Variants in LINGO2 observed in about 807,000 individuals in gnomAD.
LINGO2 encodes the protein leucine rich repeat and Ig domain containing 2.
LINGO2 carries 14 observed loss-of-function variants against 30.6 expected under a neutral mutation model. That is an observed-to-expected ratio of 0.46 (90% CI 0.30 to 0.72). The LOEUF is 0.72. Among genes scored for constraint, LINGO2 ranks in the 30% least tolerant of loss-of-function variants. LINGO2 has a pLI of 0.07. For missense variants in LINGO2, 729 were observed against 751.7 expected (o/e 0.97, Z 0.35); for synonymous variants, 317 against 288.5 (o/e 1.10, Z -1.00).
At chr9:28,273,025 AT>A (rs1475879869) in intron 4 of LINGO2, among the ~76,000 whole-genome samples, 1 of 152,134 alleles carries the variant, frequency 6.6e-6, no homozygotes, top group East Asian at 1.9e-4. Flanking sequence ...GACCTTATGT[AT>A]TTTTTAGTTC....
chr9:28,702,810 T>C, the LINGO2 span, among the ~76,000 whole-genome samples: 2 of 151,928 alleles, frequency 1.3e-5, no homozygotes, highest in Non-Finnish European at 2.9e-5. Context: ...TGCAATTTCA[T>C]ATATATAGGC....
chr9:28,813,712 A>C, the LINGO2 span, among the ~76,000 whole-genome samples: 1 of 152,216 alleles, frequency 6.6e-6, no homozygotes, highest in Non-Finnish European at 1.5e-5. Context: ...GCTATAAATA[A>C]ACAAATCAGA....
the LINGO2 span, among the ~76,000 whole-genome samples, chr9:28,753,070 G>T: frequency 6.6e-6 from 1 of 151,956 alleles, no homozygotes; most frequent in South Asian, 2.1e-4. Context: ...GGTATTATCA[G>T]CCAGAAAGCT....
chr9:28,426,180 C>T (rs1248944090), intron 2 of LINGO2, among the ~76,000 whole-genome samples: 1 of 151,874 alleles, frequency 6.6e-6, no homozygotes, highest in African/African-American at 2.4e-5. Context: ...AATACAACGA[C>T]AATAATTTAT....
intron 5 of LINGO2, among the ~76,000 whole-genome samples, chr9:27,968,138 G>A (rs1169967616): frequency 6.6e-6 from 1 of 152,074 alleles, no homozygotes; most frequent in Non-Finnish European, 1.5e-5. Flanking sequence ...GCTGGGGACA[G>A]AGATGAGCAA....
chr9:28,070,481 C>A (rs1825441670), intron 4 of LINGO2, among the ~76,000 whole-genome samples: 1 of 152,172 alleles, frequency 6.6e-6, no homozygotes. Flanking sequence ...GTCCTACAGT[C>A]CTGCCTTAAA....
At chr9:28,067,503 T>A (rs1825349289) in intron 4 of LINGO2, among the ~76,000 whole-genome samples, 2 of 152,170 alleles carry the variant, frequency 1.3e-5, no homozygotes, top group African/African-American at 4.8e-5. Flanking sequence ...GTTGAACATG[T>A]GTTGAGAACC....
At chr9:28,253,602 A>C (rs949124921) in intron 4 of LINGO2, among the ~76,000 whole-genome samples, 4 of 152,158 alleles carry the variant, frequency 2.6e-5, no homozygotes, top group East Asian at 1.9e-4. Context: ...GTTAAATGAA[A>C]AAAAGTCTTT....
chr9:28,069,890 A>T (rs1563957017), intron 4 of LINGO2, among the ~76,000 whole-genome samples: 1 of 152,182 alleles, frequency 6.6e-6, no homozygotes, highest in Non-Finnish European at 1.5e-5. Context: ...GCCATGTGGA[A>T]AGTGAAAGCT....
the LINGO2 span, among the ~76,000 whole-genome samples, chr9:28,916,995 C>T: frequency 1.6e-3 from 242 of 152,262 alleles, no homozygotes; most frequent in African/African-American, 5.5e-3. Context: ...TGGGAGTAAA[C>T]ACTAATGTTC....
At chr9:28,795,197 G>A in the LINGO2 span, among the ~76,000 whole-genome samples, 111 of 152,284 alleles carry the variant, frequency 7.3e-4, no homozygotes, top group Non-Finnish European at 1.4e-3. Context: ...AGTTCATAAA[G>A]CAAGGACTTT....
the LINGO2 span, among the ~76,000 whole-genome samples, chr9:29,197,516 A>G: frequency 6.6e-6 from 1 of 152,082 alleles, no homozygotes; most frequent in Non-Finnish European, 1.5e-5. Flanking sequence ...TTTCAAAGTT[A>G]TAATGGCATT....
At position 28,139,601 on chromosome 9, in the gene LINGO2, CT is replaced by C. The variant is rs1827617761; in HGVS notation, c.-86-127197del. 2.0e-5 allele frequency among the ~76,000 whole-genome samples: 3 copies of C among 151,968 alleles called. No individual in the cohort carries two copies. The Admixed American group carries it at 2.0e-4, about 10-fold the overall frequency. ...AAATGCTTAGATTCTTCAGTTGGTC[CT>C]TTTCATTGAATTTATTTCTTCCTAC... On this transcript the variant is annotated intron_variant, in intron 4 of 5. Transcript: ENST00000379992.
chr9:27,988,234 C>T (rs1287829593), intron 5 of LINGO2, among the ~76,000 whole-genome samples: 3 of 152,022 alleles, frequency 2.0e-5, no homozygotes, highest in South Asian at 2.1e-4. Flanking sequence ...CACATTTTCT[C>T]AATCCAGTCT....
At chr9:29,101,421 A>G in the LINGO2 span, among the ~76,000 whole-genome samples, 24 of 152,340 alleles carry the variant, frequency 1.6e-4, no homozygotes, top group South Asian at 4.1e-4. Flanking sequence ...AGAATTATTC[A>G]ACAAAATTGT....
intron 4 of LINGO2, among the ~76,000 whole-genome samples, chr9:28,122,096 T>G (rs576127486): frequency 5.3e-5 from 8 of 152,296 alleles, no homozygotes; most frequent in Non-Finnish European, 2.9e-5. Flanking sequence ...ATGATACTAC[T>G]TTTTACTTAA....
intron 4 of LINGO2, among the ~76,000 whole-genome samples, chr9:28,241,895 G>T (rs1045703990): frequency 6.6e-6 from 1 of 151,866 alleles, no homozygotes; most frequent in African/African-American, 2.4e-5. Context: ...CCTGACTACT[G>T]AAAGAAAAAC....
chr9:28,809,832 C>T, the LINGO2 span, among the ~76,000 whole-genome samples: 1 of 151,990 alleles, frequency 6.6e-6, no homozygotes, highest in African/African-American at 2.4e-5. Flanking sequence ...CTAATCTTCC[C>T]TATAGCTCAT....
chr9:28,820,281 T>C, the LINGO2 span, among the ~76,000 whole-genome samples: 1 of 148,882 alleles, frequency 6.7e-6, no homozygotes, highest in Non-Finnish European at 1.5e-5. Context: ...AGCAAGACTA[T>C]AGAAGACCAC....
Sources: allele counts gnomAD v4.1 joint callset (sites outside exome capture counted in the v4.1 genomes callset), GRCh38; gene constraint gnomAD v4.1.1; transcripts MANE v1.5; gene names NCBI Gene and HGNC (gene_info 2026-07-23, HGNC 2026-07-21).